PLEKHG5: variants seen among roughly 807,000 people sequenced by gnomAD.
PLEKHG5 encodes pleckstrin homology and RhoGEF domain containing G5.
In PLEKHG5, 52 loss-of-function variants were observed where a neutral mutation model predicts 103.8. The ratio of observed to expected loss-of-function variants is 0.50; its 90% CI spans 0.40 to 0.63. The LOEUF is 0.63. Ranked by LOEUF, PLEKHG5 falls within the 30% of genes least tolerant of loss-of-function variation. The pLI is 0.00. For missense variants in PLEKHG5, 1,205 were observed against 1,347.6 expected (o/e 0.89, Z 1.66); for synonymous variants, 592 against 575.5 (o/e 1.03, Z -0.41).
At chr1:6,470,930 C>T (rs999156279) in intron 13 of PLEKHG5, 46 bp from the exon 14 acceptor site, 7 of 1,547,254 alleles carry the variant, frequency 4.5e-6, no homozygotes, top group African/African-American at 4.1e-5. Flanking sequence ...CCCCGCCCCA[C>T]CCGGCCCCGT....
At chr1:6,474,316 T>C in intron 6 of PLEKHG5, 135 bp downstream of exon 6, 1 of 898,222 alleles carries the variant, frequency 1.1e-6, no homozygotes, top group Middle Eastern at 3.8e-4. Flanking sequence ...CCCAGCAGCA[T>C]CCAGCAGAGA....
Position 6,468,257 on chromosome 1 carries a change from CGGCGGAGACGG to C in PLEKHG5, c.2568_2578del (p.Arg857ProfsTer17). 4 of 1,602,500 alleles carry C rather than the reference CGGCGGAGACGG, an allele frequency of 2.5e-6. No homozygotes were observed. The highest frequency in any genetic ancestry group is 3.4e-6 in the Non-Finnish European group (4 of 1,172,782). On this transcript the variant is annotated frameshift_variant, in exon 20 of 21. Coordinates refer to ENST00000377728, the MANE Select transcript of PLEKHG5 (RefSeq NM_020631.6). LOFTEE classifies it high-confidence loss of function. ...GCTCAACAGCTGGACAGGGGTGCGGCGGCGGAGACGGGGCGAGGGTGGAGGGGAAGGAACTC... is the reference window on the plus strand; with the variant it reads ...GCTCAACAGCTGGACAGGGGTGCGGCGGCGAGGGTGGAGGGGAAGGAACTC...
intron 1 of PLEKHG5, among the ~76,000 whole-genome samples, chr1:6,479,942 C>T (rs1360926810): frequency 6.6e-6 from 1 of 152,128 alleles, no homozygotes; most frequent in African/African-American, 2.4e-5. Context: ...TTCGAGCCAG[C>T]AGCCTCGCAC....
Position 6,486,228 on chromosome 1 carries a change from G to C in PLEKHG5, c.-88+5409C>G, listed in dbSNP as rs77412844. 0.03 allele frequency among the ~76,000 whole-genome samples: 4,580 copies of C among 152,154 alleles called. 233 individuals are homozygous for C. The highest frequency in any genetic ancestry group is 0.1 in the African/African-American group (4,286 of 41,488). ...GCTCTTAGAATACAGGCACCAGAAGGGGGAGGCCAGGATGGGGCACACTCC... is the reference window on the plus strand; with the variant it reads ...GCTCTTAGAATACAGGCACCAGAAGCGGGAGGCCAGGATGGGGCACACTCC... On this transcript the variant is annotated intron_variant, in intron 1 of 20. Transcript: ENST00000377728. This position sits in a 1 kb window ranked among gnomAD's most constrained non-coding sequence, Gnocchi z 5.3.
At chr1:6,497,509 G>T (rs1321413475), upstream of PLEKHG5, 1 of 168,256 alleles carries the variant, frequency 5.9e-6, no homozygotes, top group African/African-American at 2.4e-5. The surrounding 1 kb of genome is among the most constrained non-coding windows in gnomAD (Gnocchi z 6.1). Context: ...GAGCGCGGCC[G>T]GGCCTCGGCG....
chr1:6,497,091 C>T (rs1380076848), upstream of PLEKHG5: 1 of 1,481,484 alleles, frequency 6.7e-7, no homozygotes, highest in Non-Finnish European at 9.0e-7. This position sits in a 1 kb window ranked among gnomAD's most constrained non-coding sequence, Gnocchi z 6.1. Context: ...TGGAGTGCAC[C>T]GCGGTGGGGG....
rs900982794 is a variant in PLEKHG5, at chr1:6,487,480, G to A, written c.-88+4157C>T. Among the ~76,000 whole-genome samples, 4 of 152,134 alleles carry A rather than the reference G, an allele frequency of 2.6e-5. No individual in the cohort carries two copies. The highest frequency in any genetic ancestry group is 6.5e-5 in the Admixed American group (1 of 15,272). On this transcript the variant is annotated intron_variant, in intron 1 of 20. Coordinates refer to ENST00000377728, the MANE Select transcript of PLEKHG5 (RefSeq NM_020631.6). The surrounding 1 kb of genome is among the most constrained non-coding windows in gnomAD (Gnocchi z 4.1). ...CTTATAGTGAAATCCCACCATGGCC[G>A]GGCTCCCGCCTCCCTCCCAGCTGGT...
chr1:6,503,138 C>T (rs1417324339), intron 1 of PLEKHG5, among the ~76,000 whole-genome samples: 1 of 152,170 alleles, frequency 6.6e-6, no homozygotes, highest in Non-Finnish European at 1.5e-5. Context: ...TGAGGCTGGA[C>T]ATGGTGGCTT....
rs929356162 is a variant in PLEKHG5 at position 6,505,201 on chromosome 1, G to A, written c.-164-8632C>T. On this transcript the variant is annotated intron_variant, in intron 1 of 21. Coordinates refer to the PLEKHG5 transcript ENST00000377740. The surrounding 1 kb of genome is among the most constrained non-coding windows in gnomAD (Gnocchi z 4.2). ...GGACCGGACTCAAGTTTCTGTCACTGCACCAAAGCTCCCTGACAGAGCTAG... is the reference window on the plus strand; with the variant it reads ...GGACCGGACTCAAGTTTCTGTCACTACACCAAAGCTCCCTGACAGAGCTAG... Among the ~76,000 whole-genome samples, 26 of 152,124 alleles carry A rather than the reference G, an allele frequency of 1.7e-4. No homozygotes were observed. The highest frequency in any genetic ancestry group is 6.0e-4 in the African/African-American group (25 of 41,438).
At chr1:6,518,208 A>C (rs376266599) in intron 1 of PLEKHG5, among the ~76,000 whole-genome samples, 147 of 151,436 alleles carry the variant, frequency 9.7e-4, no homozygotes, top group African/African-American at 3.4e-3. Context: ...CTGGGATTAC[A>C]GGTGTGAGCC....
Position 6,468,477 on chromosome 1 carries a change from T to G in PLEKHG5, c.2359A>C (p.Thr787Pro), listed in dbSNP as rs1569835805. ...GATGAGGCAGTGGTGCTGAGAGAGG[T>G]CTCATCAGACTGGGAGCTGAAAGGA... ...SGPFSSQSDETSLSTTASSAT... is the reference protein window; with the variant it reads ...SGPFSSQSDEPSLSTTASSAT... The change falls in exon 20 of 21, where the codon ACC (threonine) becomes CCC (proline). Residue 787 changes from threonine to proline, a missense_variant. Thr to Pro is a conservative substitution (Grantham distance 38). Coordinates refer to ENST00000377728, the MANE Select transcript of PLEKHG5 (RefSeq NM_020631.6). 6.2e-7 allele frequency: 1 copy of G among 1,611,756 alleles called. No individual in the cohort carries two copies. The highest frequency in any genetic ancestry group is 1.7e-5 in the Admixed American group (1 of 59,920).
At chr1:6,472,808 C>T (rs1644634159) in intron 9 of PLEKHG5, among the ~76,000 whole-genome samples, 178 bp downstream of exon 9, 1 of 152,230 alleles carries the variant, frequency 6.6e-6, no homozygotes, top group African/African-American at 2.4e-5. Flanking sequence ...GGGCCCTCCT[C>T]TGCCATTAAA....
At chr1:6,485,470 G>A in intron 1 of PLEKHG5, 1 of 1,247,162 alleles carries the variant, frequency 8.0e-7, no homozygotes, top group Non-Finnish European at 1.0e-6. Flanking sequence ...CGCGGTCTGC[G>A]CCGCCCGCCG....
chr1:6,516,866 GTA>G (rs1181957258), intron 1 of PLEKHG5, among the ~76,000 whole-genome samples: 277 of 25,868 alleles, frequency 0.011, 4 homozygotes, highest in African/African-American at 0.017. Context: ...GTATATATGT[GTA>G]TATATATATA....
At chr1:6,502,662 G>A (rs571911244) in intron 1 of PLEKHG5, among the ~76,000 whole-genome samples, 8 of 152,338 alleles carry the variant, frequency 5.3e-5, no homozygotes, top group Admixed American at 1.3e-4. Context: ...GAACAGGAGC[G>A]GGGCTGCAGA....
At chr1:6,471,945 C>A in intron 10 of PLEKHG5, 137 bp from the exon 11 acceptor site, 1 of 886,632 alleles carries the variant, frequency 1.1e-6, no homozygotes, top group Non-Finnish European at 1.8e-6. Flanking sequence ...GATAAGAAGG[C>A]TGTACCCTTT....
At chr1:6,502,216 C>T (rs1366476607) in intron 1 of PLEKHG5, among the ~76,000 whole-genome samples, 1 of 152,276 alleles carries the variant, frequency 6.6e-6, no homozygotes, top group African/African-American at 2.4e-5. Flanking sequence ...ATCCGCCACT[C>T]CCTATGCAGG....
chr1:6,482,294 G>C (rs959270225), intron 1 of PLEKHG5, among the ~76,000 whole-genome samples: 2 of 152,196 alleles, frequency 1.3e-5, no homozygotes, highest in Non-Finnish European at 2.9e-5. Flanking sequence ...ATGTTACTCT[G>C]TCTGATTCAG....
In PLEKHG5 at chr1:6,509,012, T is replaced by C. The variant is rs375400673; in HGVS notation, c.-165+10433A>G. On this transcript the variant is annotated intron_variant, in intron 1 of 21. Coordinates refer to the PLEKHG5 transcript ENST00000377740. ...AGCGCCTCTCGAAGTCACTGCTGGG[T>C]ACAGACAGGGAGCTAGAGGCCCGAG... Among the ~76,000 whole-genome samples the C allele has an allele frequency of 4.6e-5, 7 of 152,126 alleles. No individual in the cohort carries two copies. The South Asian group carries it at 1.4e-3, about 32-fold the overall frequency.
Sources: gnomAD v4.1 joint callset for allele counts (sites outside exome capture counted in the v4.1 genomes callset) on GRCh38, gnomAD v4.1.1 for gene constraint, Gnocchi (gnomAD v3.1) non-coding constraint, MANE v1.5 for transcripts, NCBI Gene and HGNC (gene_info 2026-07-23, HGNC 2026-07-21) for gene names.